Variants in ZHX3 observed in about 807,000 individuals in gnomAD.
ZHX3 encodes the protein zinc fingers and homeoboxes 3.
A neutral mutation model predicts 64.5 loss-of-function variants in ZHX3; 20 were observed. The observed-to-expected ratio is 0.31, with a 90% CI of 0.22 to 0.45. The LOEUF (loss-of-function observed/expected upper bound fraction) is 0.45, where lower values mean the gene tolerates loss of function less well. Among genes scored for constraint, ZHX3 ranks in the 20% least tolerant of loss-of-function variants. The pLI, the probability that ZHX3 is intolerant of heterozygous loss-of-function variation, is 1.00. For missense variants in ZHX3, 1,041 were observed against 1,195.8 expected (o/e 0.87, Z 1.91); for synonymous variants, 423 against 461.6 (o/e 0.92, Z 1.07).
intron 1 of ZHX3, among the ~76,000 whole-genome samples, chr20:41,273,972 T>C (rs563517123): frequency 5.5e-4 from 84 of 152,312 alleles, no homozygotes; most frequent in African/African-American, 2.0e-3. Flanking sequence ...ATGGATGTCT[T>C]TCCATTCTAT....
At chr20:41,268,469 G>A (rs570950069) in intron 2 of ZHX3, among the ~76,000 whole-genome samples, 4 of 152,206 alleles carry the variant, frequency 2.6e-5, no homozygotes, top group Admixed American at 2.6e-4. Flanking sequence ...AGTCTACTGT[G>A]AATATATGTC....
At position 41,232,106 on chromosome 20, in the gene ZHX3, G is replaced by A. The variant is rs1419313128; in HGVS notation, c.-150-27040C>T. The stretch of plus-strand genomic sequence containing the variant: ...AGGAAGCCACCAAGATGATTAAAGG[G>A]TTGGAAAATGAGATTTATGGGTAAT... On this transcript the variant is annotated intron_variant, in intron 2 of 3. Coordinates refer to ENST00000683867, the MANE Select transcript of ZHX3 (RefSeq NM_001384317.1). The surrounding 1 kb of genome is among the most constrained non-coding windows in gnomAD (Gnocchi z 5.0). 1.3e-5 allele frequency among the ~76,000 whole-genome samples: 2 copies of A among 152,130 alleles called. No homozygotes were observed. The highest frequency in any genetic ancestry group is 4.8e-5 in the African/African-American group (2 of 41,422).
chr20:41,300,683 G>A lies in ZHX3; in HGVS notation c.-245+16826C>T, dbSNP rs575860759. On this transcript the variant is annotated intron_variant, in intron 1 of 3. Transcript: ENST00000683867. ...CTTTTGGAGGAGGGGCACCTGAGAC[G>A]AAGCTGGAAAGGCAAGTAGTGTTGG... Among the ~76,000 whole-genome samples, 7 of 152,318 alleles carry A rather than the reference G, an allele frequency of 4.6e-5. No individual in the cohort carries two copies. In the East Asian group the frequency reaches 9.7e-4, roughly 21 times the overall value.
rs1037505033 is a variant in ZHX3 at position 41,202,694 on chromosome 20, G to A, written c.2223C>T (p.Asn741=). The A allele has an allele frequency of 8.1e-6, 13 of 1,614,112 alleles. No homozygotes were observed. The highest frequency in any genetic ancestry group is 2.2e-5 in the East Asian group (1 of 44,878). Residue 741 remains asparagine, a synonymous_variant, in exon 3 of 4, where the codon AAC becomes AAT. Coordinates refer to ENST00000683867, the MANE Select transcript of ZHX3 (RefSeq NM_001384317.1). The surrounding 1 kb of genome is among the most constrained non-coding windows in gnomAD (Gnocchi z 7.0). ...CACAGGCACCCAGCCCTGGAATCTC[G>A]TTCCTGCCATTGGCTTCAGTGACCC... ...NLRVTEANGR[N]EIPGLGACDP...
chr20:41,225,272 C>T (rs575222375), intron 2 of ZHX3, among the ~76,000 whole-genome samples: 42 of 152,290 alleles, frequency 2.8e-4, no homozygotes, highest in Admixed American at 8.5e-4. Context: ...ATTTAGCATG[C>T]TGTCTGATAT....
intron 2 of ZHX3, among the ~76,000 whole-genome samples, chr20:41,257,512 C>A (rs1191169631): frequency 6.6e-6 from 1 of 152,080 alleles, no homozygotes; most frequent in Non-Finnish European, 1.5e-5. Context: ...TATTCTTAAT[C>A]CAGTTTCTAC....
rs2040706331 is a variant in ZHX3, at chr20:41,232,773, G to A, written c.-150-27707C>T. 1.3e-5 allele frequency among the ~76,000 whole-genome samples: 2 copies of A among 152,104 alleles called. No homozygotes were observed. The highest frequency in any genetic ancestry group is 4.1e-4 in the South Asian group (2 of 4,820). On this transcript the variant is annotated intron_variant, in intron 2 of 3. Coordinates refer to ENST00000683867, the MANE Select transcript of ZHX3 (RefSeq NM_001384317.1). The surrounding 1 kb of genome is among the most constrained non-coding windows in gnomAD (Gnocchi z 5.0). The stretch of plus-strand genomic sequence containing the variant: ...GCTAATTTTTTGTATTTTTAGTAGA[G>A]ACGGGGTTTCACCGTGTTAGCCAGG...
chr20:41,240,860 T>C (rs577856609), intron 2 of ZHX3, among the ~76,000 whole-genome samples: 12 of 152,244 alleles, frequency 7.9e-5, no homozygotes, highest in Non-Finnish European at 1.3e-4. Flanking sequence ...TTTTGTATCG[T>C]TGAATAGTAC....
intron 2 of ZHX3, among the ~76,000 whole-genome samples, chr20:41,257,810 A>G (rs1169235883): frequency 6.9e-6 from 1 of 144,806 alleles, no homozygotes; most frequent in Non-Finnish European, 1.5e-5. Flanking sequence ...ACGGGGTTTC[A>G]CCATGCTAGC....
intron 1 of ZHX3, among the ~76,000 whole-genome samples, chr20:41,289,245 C>T (rs1296316912): frequency 2.0e-5 from 3 of 152,124 alleles, no homozygotes; most frequent in Non-Finnish European, 4.4e-5. Flanking sequence ...AAGCAATCCC[C>T]CTGCCTCAGC....
At chr20:41,214,194 C>CA (rs2039359881) in intron 2 of ZHX3, among the ~76,000 whole-genome samples, 1 of 152,166 alleles carries the variant, frequency 6.6e-6, no homozygotes, top group Non-Finnish European at 1.5e-5. Context: ...TAAGCAATTA[C>CA]AAAAAAGCAG....
rs11086800 is a variant in ZHX3, at chr20:41,200,111, C to CA, written c.2860+1945dup. ...GCTGCAGAGCTTGCGGATGCTGAAA[C>CA]AAAAAAAAACCATCAAAATTTGTAA... On this transcript the variant is annotated intron_variant, in intron 3 of 3. Coordinates refer to ENST00000683867, the MANE Select transcript of ZHX3 (RefSeq NM_001384317.1). This position sits in a 1 kb window ranked among gnomAD's most constrained non-coding sequence, Gnocchi z 4.2. Among the ~76,000 whole-genome samples the CA allele has an allele frequency of 2.7e-4, 41 of 151,420 alleles. No homozygotes were observed. Among genetic ancestry groups the CA allele is most frequent in the African/African-American group, 6.5e-4 (27 of 41,366 alleles).
rs527858931 is a variant in ZHX3 at position 41,219,506 on chromosome 20, C to G, written c.-150-14440G>C. ...ATAGGGAGCTTGGCACTTATTGACA[C>G]TAGAAAGATGTTTGAAATGGTTCCT... is the stretch of plus-strand genomic sequence containing the variant. On this transcript the variant is annotated intron_variant, in intron 2 of 3. Coordinates refer to ENST00000683867, the MANE Select transcript of ZHX3 (RefSeq NM_001384317.1). This position sits in a 1 kb window ranked among gnomAD's most constrained non-coding sequence, Gnocchi z 5.0. 6.6e-6 allele frequency among the ~76,000 whole-genome samples: 1 copy of G among 152,182 alleles called. No individual in the cohort carries two copies. Among genetic ancestry groups the G allele is most frequent in the South Asian group, 2.1e-4 (1 of 4,834 alleles).
intron 1 of ZHX3, among the ~76,000 whole-genome samples, chr20:41,297,842 C>A (rs2044612140): frequency 6.6e-6 from 1 of 152,186 alleles, no homozygotes; most frequent in Non-Finnish European, 1.5e-5. Context: ...AAAGGAAACA[C>A]CCCTCAGTTG....
intron 2 of ZHX3, among the ~76,000 whole-genome samples, chr20:41,229,674 A>C (rs902421641): frequency 6.6e-6 from 1 of 151,934 alleles, no homozygotes; most frequent in African/African-American, 2.4e-5. Context: ...GAGTATTTTT[A>C]ATGTGCTTAT....
At chr20:41,196,421 T>C (rs1386203525) in intron 3 of ZHX3, among the ~76,000 whole-genome samples, 4 of 60,794 alleles carry the variant, frequency 6.6e-5, no homozygotes, top group Admixed American at 3.0e-4. Flanking sequence ...ATATATAATA[T>C]ATATTTATAT....
intron 2 of ZHX3, among the ~76,000 whole-genome samples, chr20:41,208,354 G>T (rs1400419023): frequency 6.6e-6 from 1 of 151,998 alleles, no homozygotes; most frequent in Non-Finnish European, 1.5e-5. Flanking sequence ...GGCCAACATC[G>T]TCCTGATACC....
intron 3 of ZHX3, among the ~76,000 whole-genome samples, chr20:41,192,064 T>C (rs1002030837): frequency 2.0e-5 from 3 of 152,120 alleles, no homozygotes; most frequent in African/African-American, 7.2e-5. Context: ...TGGCGTGGCA[T>C]GGGAGATGGC....
At chr20:41,282,899 ATTGTT>A (rs2043760822) in intron 1 of ZHX3, among the ~76,000 whole-genome samples, 1 of 152,056 alleles carries the variant, frequency 6.6e-6, no homozygotes, top group African/African-American at 2.4e-5. Flanking sequence ...ACAACTCTTT[ATTGTT>A]TTATTTATTT....
Sources: gnomAD v4.1 joint callset for allele counts (sites outside exome capture counted in the v4.1 genomes callset) on GRCh38, gnomAD v4.1.1 for gene constraint, Gnocchi (gnomAD v3.1) non-coding constraint, MANE v1.5 for transcripts, NCBI Gene and HGNC (gene_info 2026-07-23, HGNC 2026-07-21) for gene names.